The following MLLT10 variants were observed in gnomAD, a reference collection of about 807,000 sequenced individuals.
The protein encoded by MLLT10 is MLLT10 histone lysine methyltransferase DOT1L cofactor.
MLLT10 carries 30 observed loss-of-function variants against 129.1 expected under a neutral mutation model. The observed-to-expected ratio is 0.23, with a 90% CI of 0.17 to 0.32. The LOEUF is 0.32. Ranked by LOEUF, MLLT10 falls within the 10% of genes least tolerant of loss-of-function variation. The probability of loss-of-function intolerance (pLI) is 1.00; values close to 1 mark genes in which losing one functional copy is unlikely to be tolerated. For synonymous variants in MLLT10, 490 were observed against 446.4 expected (o/e 1.10, Z -1.23); for missense variants, 1,119 against 1,268.3 (o/e 0.88, Z 1.79).
At chr10:21,720,110 G>A (rs1008064378) in intron 14 of MLLT10, among the ~76,000 whole-genome samples, 1 of 152,154 alleles carries the variant, frequency 6.6e-6, no homozygotes, top group African/African-American at 2.4e-5. Flanking sequence ...ATACAGTCCT[G>A]TTGTCCGATC....
intron 3 of MLLT10, among the ~76,000 whole-genome samples, chr10:21,564,883 A>C (rs1413085494): frequency 6.6e-6 from 1 of 151,696 alleles, no homozygotes; most frequent in Non-Finnish European, 1.5e-5. Context: ...TTGTTCTGTA[A>C]AATGTTCATG....
At chr10:21,717,143 C>T (rs966133153) in intron 14 of MLLT10, among the ~76,000 whole-genome samples, 1 of 146,972 alleles carries the variant, frequency 6.8e-6, no homozygotes, top group African/African-American at 2.5e-5. Flanking sequence ...ATCCCAGCTA[C>T]TCGGGAGGCT....
chr10:21,551,367 A>C (rs767526461), intron 3 of MLLT10, among the ~76,000 whole-genome samples: 1 of 140,410 alleles, frequency 7.1e-6, no homozygotes, highest in South Asian at 2.2e-4. Context: ...TAGCCTGTAC[A>C]CTTTAAATAG....
intron 3 of MLLT10, among the ~76,000 whole-genome samples, chr10:21,582,837 GC>G (rs1351174181): frequency 6.6e-6 from 1 of 152,162 alleles, no homozygotes; most frequent in African/African-American, 2.4e-5. Context: ...TATGAAAAGA[GC>G]AGGAAGAGCA....
chr10:21,540,537 T>C (rs2034960470), intron 3 of MLLT10, among the ~76,000 whole-genome samples: 1 of 152,048 alleles, frequency 6.6e-6, no homozygotes, highest in Non-Finnish European at 1.5e-5. Flanking sequence ...AGTGAGAGAC[T>C]GTCTCACAAA....
intron 4 of MLLT10, among the ~76,000 whole-genome samples, chr10:21,588,990 A>T (rs1161364069): frequency 6.6e-6 from 1 of 151,708 alleles, no homozygotes. Flanking sequence ...CGCCCAGCTG[A>T]TTTTTTTATT....
chr10:21,717,689 CTCCTCCTCCTCT>C (rs2056771763), intron 14 of MLLT10, among the ~76,000 whole-genome samples: 1 of 102,268 alleles, frequency 9.8e-6, no homozygotes, highest in African/African-American at 5.6e-5. Flanking sequence ...CCTCCTCCTC[CTCCTCCTCCTCT>C]TCCTCCTCCT....
chr10:21,577,670 T>C (rs2040929983), intron 3 of MLLT10, among the ~76,000 whole-genome samples: 1 of 151,818 alleles, frequency 6.6e-6, no homozygotes, highest in East Asian at 1.9e-4. Flanking sequence ...GGGGTTTCAC[T>C]ATATTGGCTA....
intron 21 of MLLT10, among the ~76,000 whole-genome samples, chr10:21,739,264 G>T (rs941459785): frequency 6.6e-6 from 1 of 152,126 alleles, no homozygotes; most frequent in Non-Finnish European, 1.5e-5. Context: ...GGTCCTTGCT[G>T]CCACTGGATC....
chr10:21,699,754 A>G (rs1442108806), intron 13 of MLLT10, among the ~76,000 whole-genome samples: 1 of 151,720 alleles, frequency 6.6e-6, no homozygotes, highest in Non-Finnish European at 1.5e-5. Context: ...TTTTATACCA[A>G]TACCATGCTT....
chr10:21,654,897 G>A (rs770390941), intron 9 of MLLT10, among the ~76,000 whole-genome samples: 2 of 152,154 alleles, frequency 1.3e-5, no homozygotes, highest in African/African-American at 2.4e-5. Flanking sequence ...TGAAGGCTGC[G>A]CATGGTGGCT....
chr10:21,656,915 C>T (rs922912026), intron 9 of MLLT10, among the ~76,000 whole-genome samples: 5 of 152,130 alleles, frequency 3.3e-5, no homozygotes, highest in Non-Finnish European at 1.5e-5. Flanking sequence ...AGATGGAACA[C>T]ATAGGATTCT....
At chr10:21,710,738 G>A (rs976538423) in intron 13 of MLLT10, among the ~76,000 whole-genome samples, 13 of 152,198 alleles carry the variant, frequency 8.5e-5, no homozygotes, top group African/African-American at 4.8e-5. Context: ...ATACCTGTGA[G>A]TTTGAATCAT....
intron 18 of MLLT10, among the ~76,000 whole-genome samples, 180 bp downstream of exon 18, chr10:21,733,267 C>G (rs1289978946): frequency 6.6e-6 from 1 of 151,994 alleles, no homozygotes; most frequent in African/African-American, 2.4e-5. Context: ...CTTTCTTAGT[C>G]CATAATATAA....
At chr10:21,566,538 G>T (rs2039597770) in intron 3 of MLLT10, among the ~76,000 whole-genome samples, 1 of 151,852 alleles carries the variant, frequency 6.6e-6, no homozygotes, top group South Asian at 2.1e-4. Flanking sequence ...ATGTTGGCCA[G>T]GCTGGTCTTG....
intron 2 of MLLT10, 38 bp downstream of exon 2, chr10:21,534,842 C>A: frequency 6.6e-7 from 1 of 1,504,712 alleles, no homozygotes; most frequent in Non-Finnish European, 8.9e-7. Context: ...CGCCGGCCTG[C>A]GCCCAACGGT....
At chr10:21,717,158 CAGG>C (rs1232487498) in intron 14 of MLLT10, among the ~76,000 whole-genome samples, 2 of 143,650 alleles carry the variant, frequency 1.4e-5, no homozygotes, top group African/African-American at 5.2e-5. Flanking sequence ...GAGGCTGAGG[CAGG>C]AGAATTGCTT....
intron 11 of MLLT10, among the ~76,000 whole-genome samples, chr10:21,679,879 A>G (rs1359843453): frequency 2.0e-5 from 3 of 152,298 alleles, no homozygotes; most frequent in Admixed American, 1.3e-4. Flanking sequence ...TTTTGGGGCT[A>G]TGTTTTTGGT....
chr10:21,684,293 C>T (rs1451495296), intron 13 of MLLT10, among the ~76,000 whole-genome samples: 1 of 152,198 alleles, frequency 6.6e-6, no homozygotes, highest in African/African-American at 2.4e-5. Flanking sequence ...GGAAAATCTG[C>T]ATACCTACAG....
Sources: allele counts gnomAD v4.1 joint callset (sites outside exome capture counted in the v4.1 genomes callset), GRCh38; gene constraint gnomAD v4.1.1; transcripts MANE v1.5; gene names NCBI Gene and HGNC (gene_info 2026-07-23, HGNC 2026-07-21).